The following FCRL1 variants were observed in gnomAD, a reference collection of about 807,000 sequenced individuals.
FCRL1 encodes Fc receptor-like protein 1.
A neutral mutation model predicts 49.2 loss-of-function variants in FCRL1; 34 were observed. That is an observed-to-expected ratio of 0.69 (90% confidence interval 0.53 to 0.92). The LOEUF is 0.92. FCRL1 is among the 40% of genes least tolerant of loss of function. FCRL1 has a pLI of 0.00. For missense variants in FCRL1, 524 were observed against 524.1 expected (o/e 1.00, Z 0.00); for synonymous variants, 218 against 201.6 (o/e 1.08, Z -0.69).
intron 4 of FCRL1, 84 bp from the exon 5 acceptor site, chr1:157,802,277 T>C: frequency 6.3e-7 from 1 of 1,576,542 alleles, no homozygotes; most frequent in Non-Finnish European, 8.6e-7. Context: ...TCAGCCCCAT[T>C]GAACTTCCTC....
At chr1:157,811,102 A>G (rs6689427) in intron 1 of FCRL1, among the ~76,000 whole-genome samples, 66,902 of 152,018 alleles carry the variant, frequency 0.44, 15,054 homozygotes, top group African/African-American at 0.53. Flanking sequence ...TATAAAGGGA[A>G]ACAGAAAACT....
chr1:157,818,229 C>T (rs1012117567), intron 1 of FCRL1, among the ~76,000 whole-genome samples: 3 of 151,998 alleles, frequency 2.0e-5, no homozygotes, highest in African/African-American at 7.2e-5. Context: ...GCACTATTCA[C>T]GATAGCCAAG....
chr1:157,803,694 T>C (rs1652911125), intron 3 of FCRL1, 151 bp downstream of exon 3: 2 of 1,004,540 alleles, frequency 2.0e-6, no homozygotes, highest in Admixed American at 2.8e-5. Context: ...TAAGGGAAGA[T>C]CCCTTAAGGA....
intron 1 of FCRL1, 127 bp downstream of exon 1, chr1:157,819,880 T>C: frequency 1.9e-6 from 2 of 1,067,456 alleles, no homozygotes; most frequent in Admixed American, 2.0e-5. Flanking sequence ...TCCGTGGAAG[T>C]GGAGATCTGA....
At position 157,802,605 on chromosome 1, in the gene FCRL1, C is replaced by T. The variant is rs1557901645; in HGVS notation, c.379G>A (p.Gly127Arg). The stretch of plus-strand genomic sequence containing the variant: ...GAGCAGATGAGGACCAGCCTGTCTC[C>T]CTCCATCACCTGTCCTCCTGGGGGC... ...TQPPGGQVME[G>R]DRLVLICSVA... Residue 127 changes from glycine (G) to arginine (R), a missense_variant, in exon 4 of 11, where the codon GGA (glycine) becomes AGA (arginine). Transcript: ENST00000368176. 1.9e-6 allele frequency: 3 copies of T among 1,614,154 alleles called. No individual in the cohort carries two copies. The highest frequency in any genetic ancestry group is 1.7e-5 in the Admixed American group (1 of 60,030).
chr1:157,795,626 C>T lies in FCRL1; in HGVS notation c.*473G>A, dbSNP rs1020437147. Reference sequence around the variant, plus strand: ...AATAGAATCATATTTTAGGTGGAAACTCGATGATCCATGTAAGTAGCGGGG... The same window carrying T: ...AATAGAATCATATTTTAGGTGGAAATTCGATGATCCATGTAAGTAGCGGGG... On this transcript the variant is annotated 3_prime_UTR_variant, in exon 11 of 11. Transcript: ENST00000368176. The T allele has an allele frequency of 1.3e-5, 2 of 152,588 alleles. No individual in the cohort carries two copies. Among genetic ancestry groups the T allele is most frequent in the African/African-American group, 4.8e-5 (2 of 41,430 alleles). 9.5% of individuals were successfully genotyped at this position (152,588 alleles called of 1,614,324 possible).
rs951905312 is a variant in FCRL1 at position 157,819,542 on chromosome 1, C to T, written c.31+465G>A. Among the ~76,000 whole-genome samples the T allele has an allele frequency of 9.2e-5, 14 of 151,872 alleles. No individual in the cohort carries two copies. In the East Asian group the frequency reaches 2.7e-3, roughly 30 times the overall value. ...GAAATAGAGTGCAGGAGAAAGTGAG[C>T]TAGAAACACAACTTAGTGGGGGTGG... On this transcript the variant is annotated intron_variant, in intron 1 of 10. Transcript: ENST00000368176.
At chr1:157,805,100 A>G (rs537686583) in intron 2 of FCRL1, among the ~76,000 whole-genome samples, 2 of 152,194 alleles carry the variant, frequency 1.3e-5, no homozygotes, top group South Asian at 4.2e-4. Context: ...GGCTGAAGTG[A>G]TCCTACTGCC....
At chr1:157,803,769 C>A (rs1652916315) in intron 3 of FCRL1, 76 bp downstream of exon 3, 1 of 1,541,958 alleles carries the variant, frequency 6.5e-7, no homozygotes, top group East Asian at 2.3e-5. Context: ...GAGATAGAAC[C>A]CATAACAGTG....
intron 10 of FCRL1, 22 bp from the exon 11 acceptor site, chr1:157,796,192 A>G (rs756666873): frequency 1.2e-6 from 2 of 1,603,674 alleles, no homozygotes; most frequent in Non-Finnish European, 1.7e-6. Flanking sequence ...GATTAGGACT[A>G]GAGCAGGGAA....
chr1:157,819,986 G>C, intron 1 of FCRL1, 21 bp downstream of exon 1: 1 of 1,613,990 alleles, frequency 6.2e-7, no homozygotes, highest in Non-Finnish European at 8.5e-7. Flanking sequence ...CCCATGCCCT[G>C]CTCTGAGTTG....
At chr1:157,806,918 T>C in intron 2 of FCRL1, 184 bp downstream of exon 2, 1 of 588,506 alleles carries the variant, frequency 1.7e-6, no homozygotes, top group Non-Finnish European at 3.1e-6. Flanking sequence ...GTGCAGAGAC[T>C]GATGTGAAGA....
rs545819628 is a variant in FCRL1 at position 157,815,217 on chromosome 1, T to C, written c.31+4790A>G. ...ATCATATTTGAGGAAGCAAAATGTC[T>C]TAACAAATTTAAAAAGATTGAAATT... is the stretch of plus-strand genomic sequence containing the variant. On this transcript the variant is annotated intron_variant, in intron 1 of 10. Transcript: ENST00000368176. Among the ~76,000 whole-genome samples, 4 of 152,028 alleles carry C rather than the reference T, an allele frequency of 2.6e-5. No homozygotes were observed. The East Asian group carries it at 7.7e-4, about 29-fold the overall frequency.
chr1:157,799,714 C>G (rs1342021057), intron 7 of FCRL1, among the ~76,000 whole-genome samples: 1 of 151,970 alleles, frequency 6.6e-6, no homozygotes, highest in African/African-American at 2.4e-5. Flanking sequence ...ATGGGTGCAG[C>G]ACACGAACAT....
chr1:157,798,558 T>G (rs964631359), intron 7 of FCRL1, among the ~76,000 whole-genome samples: 2 of 151,930 alleles, frequency 1.3e-5, no homozygotes, highest in East Asian at 1.9e-4. Flanking sequence ...TCACTCCAGA[T>G]GGAAAACACT....
chr1:157,811,074 C>T (rs949304027), intron 1 of FCRL1, among the ~76,000 whole-genome samples: 1 of 152,146 alleles, frequency 6.6e-6, no homozygotes, highest in South Asian at 2.1e-4. Flanking sequence ...GCCACCACAC[C>T]TGGTGCACTG....
At chr1:157,813,431 C>G (rs986229669) in intron 1 of FCRL1, among the ~76,000 whole-genome samples, 2 of 151,990 alleles carry the variant, frequency 1.3e-5, no homozygotes, top group Admixed American at 1.3e-4. Context: ...ATTCATAGAG[C>G]TAAAGAATTA....
In FCRL1 at chr1:157,798,172, A is replaced by G. The variant is rs757216892; in HGVS notation, c.1103T>C (p.Ile368Thr). ...NSPTPGQLQP[I>T]YENVNVVSGD... ...TTGGGAAGGCTCACCATTTTCATAT[A>G]TAGGCTGTAGCTGCCCTGGGGTAGG... Residue 368 changes from isoleucine to threonine, a missense_variant, in exon 8 of 11, where the codon ATA becomes ACA. Physicochemically the swap from Ile to Thr is moderately conservative, Grantham distance 89. Coordinates refer to ENST00000368176, the MANE Select transcript of FCRL1 (RefSeq NM_052938.5). 6.2e-7 allele frequency: 1 copy of G among 1,612,532 alleles called. No individual in the cohort carries two copies. The highest frequency in any genetic ancestry group is 8.5e-7 in the Non-Finnish European group (1 of 1,179,208).
intron 4 of FCRL1, 47 bp downstream of exon 4, chr1:157,802,330 A>G: frequency 6.3e-7 from 1 of 1,597,118 alleles, no homozygotes; most frequent in Non-Finnish European, 8.5e-7. Flanking sequence ...GGAAATGTGG[A>G]GCCCAGTTTG....
Sources: gnomAD v4.1 joint callset for allele counts (sites outside exome capture counted in the v4.1 genomes callset) on GRCh38, gnomAD v4.1.1 for gene constraint, MANE v1.5 for transcripts, NCBI Gene and HGNC (gene_info 2026-07-23, HGNC 2026-07-21) for gene names.